The following HIP1R variants were observed in gnomAD, a reference collection of about 807,000 sequenced individuals.
HIP1R encodes the protein huntingtin interacting protein 1 related.
In HIP1R, 135 loss-of-function variants were observed where a neutral mutation model predicts 144.2. The observed-to-expected ratio is 0.94, with a 90% confidence interval of 0.81 to 1.08. HIP1R has a LOEUF of 1.08. HIP1R is among the 50% of genes least tolerant of loss of function. HIP1R has a pLI of 0.00. For synonymous variants in HIP1R, 698 were observed against 612.8 expected, an observed-to-expected ratio of 1.14 and a Z score of -2.05; for missense variants, 1,462 against 1,432.8, an observed-to-expected ratio of 1.02 and a Z score of -0.33.
intron 6 of HIP1R, 49 bp downstream of exon 6, chr12:122,850,960 T>A (rs1218524302): frequency 6.5e-7 from 1 of 1,534,884 alleles, no homozygotes; most frequent in Non-Finnish European, 9.0e-7. Context: ...GGCTTCCCCA[T>A]TCCTTCCTAC....
chr12:122,835,453 C>T (rs1366348499), upstream of HIP1R: 2 of 1,154,498 alleles, frequency 1.7e-6, no homozygotes, highest in African/African-American at 1.6e-5. Context: ...GGCCCGGGCG[C>T]GGCGCGGTGG....
rs755296597 is a variant in HIP1R, at chr12:122,859,510, A to C, written c.2380A>C (p.Ile794Leu). The change falls in exon 23 of 32, where the codon ATT (isoleucine) becomes CTT (leucine). Residue 794 changes from isoleucine to leucine, a missense_variant. Physicochemically the swap from Ile to Leu is conservative, Grantham distance 5. This residue lies in a region of HIP1R where 1,112 missense variants were observed against 1,011.7 expected (regional missense o/e 1.10). Coordinates refer to ENST00000253083, the MANE Select transcript of HIP1R (RefSeq NM_003959.3). Reference sequence around the variant, plus strand: ...GGAGATGGCGGCCACATCCGCAGCCATTGAAGATGCTGTGCGGAGGATTGA... The same window carrying C: ...GGAGATGGCGGCCACATCCGCAGCCCTTGAAGATGCTGTGCGGAGGATTGA... ...DKEMAATSAA[I>L]EDAVRRIEDM... The C allele has an allele frequency of 6.2e-7, 1 of 1,612,942 alleles. No individual in the cohort carries two copies. The highest frequency in any genetic ancestry group is 8.5e-7 in the Non-Finnish European group (1 of 1,179,444).
chr12:122,854,405 A>G (rs980186567), intron 8 of HIP1R, among the ~76,000 whole-genome samples: 10 of 150,318 alleles, frequency 6.7e-5, no homozygotes, highest in South Asian at 4.2e-4. Context: ...CTTGGTTTTC[A>G]TTTTTACGAC....
rs539147044 is a variant in HIP1R, at chr12:122,854,071, C to T, written c.606C>T (p.Ala202=). ...SVFRQLNTAI[A]VSQMSSGQCR... is the part of the protein sequence containing the mutation. ...TCCGACAGCTCAACACGGCCATCGC[C>T]GTATCCCAGATGTCCTCAGGCCAGT... Residue 202 remains alanine (A), a synonymous_variant, in exon 8 of 32, where the codon GCC becomes GCT. Transcript: ENST00000253083. The T allele has an allele frequency of 6.3e-5, 102 of 1,613,800 alleles. No individual in the cohort carries two copies. In the East Asian group the frequency reaches 9.1e-4, roughly 14 times the overall value.
At chr12:122,849,069 G>A (rs1164394055) in intron 4 of HIP1R, among the ~76,000 whole-genome samples, 5 of 152,250 alleles carry the variant, frequency 3.3e-5, no homozygotes, top group Admixed American at 6.5e-5. Flanking sequence ...CAGCGTCGAA[G>A]TCACCCGGGC....
chr12:122,854,351 A>C (rs1173228926), intron 8 of HIP1R, among the ~76,000 whole-genome samples, 168 bp downstream of exon 8: 6 of 151,772 alleles, frequency 4.0e-5, no homozygotes, highest in African/African-American at 7.3e-5. Flanking sequence ...AAAAAAAAAA[A>C]AAAAAAACCC....
chr12:122,857,621 G>A (rs540177664), intron 18 of HIP1R: 10 of 353,186 alleles, frequency 2.8e-5, no homozygotes, highest in Non-Finnish European at 5.3e-5. Context: ...TAGAACTGCT[G>A]GGTCTCACCT....
intron 23 of HIP1R, 93 bp from the exon 24 acceptor site, chr12:122,859,679 G>C: frequency 6.8e-7 from 1 of 1,468,582 alleles, no homozygotes; most frequent in Non-Finnish European, 9.4e-7. Context: ...GGGCCTGTGA[G>C]GTCAGAGCTG....
Position 122,835,528 on chromosome 12 carries a change from CA to C in HIP1R, c.-19del. 2 of 1,331,230 alleles carry C rather than the reference CA, an allele frequency of 1.5e-6. No homozygotes were observed. The highest frequency in any genetic ancestry group is 3.5e-5 in the South Asian group (2 of 57,452). The allele number at this position is 1,331,230 out of a possible 1,614,324, so 82.5% of individuals were successfully genotyped here. ...TGTGAGTCGCGCGGACGGAGCCGGA[CA>C]AAAGCGGGCGGCGGCGGCAGGATGA... On this transcript the variant is annotated 5_prime_UTR_variant, in exon 1 of 32. Transcript: ENST00000253083.
In HIP1R at chr12:122,858,176, G is replaced by C. The variant is rs1182716317; in HGVS notation, c.1890G>C (p.Glu630Asp). 7.9e-5 allele frequency: 127 copies of C among 1,607,388 alleles called. No individual in the cohort carries two copies. The highest frequency in any genetic ancestry group is 1.1e-4 in the Non-Finnish European group (125 of 1,178,194). The change falls in exon 19 of 32, where the codon GAG (glutamate) becomes GAC (aspartate). Residue 630 changes from glutamate to aspartate, a missense_variant. This residue lies in a region of HIP1R where 1,112 missense variants were observed against 1,011.7 expected (regional missense o/e 1.10). Coordinates refer to ENST00000253083, the MANE Select transcript of HIP1R (RefSeq NM_003959.3). ...QFAVLRGAAA[E>D]AAGILQDAVS... ...CAGTGTTGCGGGGCGCTGCTGCCGA[G>C]GCCGCGGGCATCCTGCAGGATGCCG...
intron 5 of HIP1R, chr12:122,850,535 GT>G: frequency 3.7e-4 from 43 of 115,644 alleles, no homozygotes; most frequent in South Asian, 7.8e-4. Flanking sequence ...TGGCCGCTGG[GT>G]GGGGGGGCCC....
In HIP1R at chr12:122,850,881, A is replaced by G; in HGVS notation, c.485A>G (p.Glu162Gly). The G allele has an allele frequency of 6.2e-7, 1 of 1,611,144 alleles. No individual in the cohort carries two copies. The highest frequency in any genetic ancestry group is 1.7e-5 in the Admixed American group (1 of 59,786). The change falls in exon 6 of 32, where the codon GAG becomes GGG. Residue 162 changes from glutamate (E) to glycine (G), a missense_variant. By Grantham distance (98) the Glu-to-Gly change is moderately conservative. Coordinates refer to ENST00000253083, the MANE Select transcript of HIP1R (RefSeq NM_003959.3). ...AGLEVTDEVL[E>G]KAAGTDVNNI... ...CTGGAGGTGACAGATGAGGTACTGGAGAAGGCAGCTGGGACCGATGTCAAC... is the reference window on the plus strand; with the variant it reads ...CTGGAGGTGACAGATGAGGTACTGGGGAAGGCAGCTGGGACCGATGTCAAC...
rs990393825 is a variant in HIP1R, at chr12:122,848,319, G to A, written c.158-147G>A. ...TCTTGCCCTAACTCCTGTCCCCTTG[G>A]CTGGACACTGGAGCTCTGGTGACCC... On this transcript the variant is annotated intron_variant, in intron 2 of 31. Coordinates refer to ENST00000253083, the MANE Select transcript of HIP1R (RefSeq NM_003959.3). 8.3e-6 allele frequency: 9 copies of A among 1,084,518 alleles called. No individual in the cohort carries two copies. The Admixed American group carries it at 1.3e-4, about 16-fold the overall frequency. The allele number at this position is 1,084,518 out of a possible 1,614,324, so 67.2% of individuals were successfully genotyped here.
rs1193918544 is a variant in HIP1R at position 122,860,901 on chromosome 12, C to T, written c.2767-15C>T. The T allele has an allele frequency of 7.5e-6, 12 of 1,606,384 alleles. No individual in the cohort carries two copies. The highest frequency in any genetic ancestry group is 3.4e-5 in the Admixed American group (2 of 58,584). ...GCTGGGAGACCTGGGCCCACCCTGACCTCTCGCCCCTCAGGTGAAGGCCAA... is the reference window on the plus strand; with the variant it reads ...GCTGGGAGACCTGGGCCCACCCTGATCTCTCGCCCCTCAGGTGAAGGCCAA... On this transcript the variant is annotated splice_polypyrimidine_tract_variant and intron_variant, in intron 28 of 31. Coordinates refer to ENST00000253083, the MANE Select transcript of HIP1R (RefSeq NM_003959.3).
chr12:122,839,336 G>A (rs1437725157), intron 1 of HIP1R, among the ~76,000 whole-genome samples: 3 of 152,234 alleles, frequency 2.0e-5, no homozygotes, highest in Non-Finnish European at 4.4e-5. Context: ...GTTAGGATGA[G>A]AGAAACCCTT....
At chr12:122,854,549 T>C (rs2033503429) in intron 8 of HIP1R, among the ~76,000 whole-genome samples, 1 of 152,166 alleles carries the variant, frequency 6.6e-6, no homozygotes, top group Admixed American at 6.5e-5. Flanking sequence ...ACCAACCCCT[T>C]GAAAGGGTCT....
In HIP1R at chr12:122,858,832, G is replaced by A. The variant is rs200309317; in HGVS notation, c.2051-6G>A. ...CCCCCAACCTTGGCCCCACCCACCC[G>A]CACAGACGCCTCCGCCCTGGTGGCA... On this transcript the variant is annotated splice_polypyrimidine_tract_variant and splice_region_variant and intron_variant, in intron 20 of 31. Coordinates refer to ENST00000253083, the MANE Select transcript of HIP1R (RefSeq NM_003959.3). 379 of 1,532,808 alleles carry A rather than the reference G, an allele frequency of 2.5e-4. No individual in the cohort carries two copies. Among genetic ancestry groups the A allele is most frequent in the Admixed American group, 1.5e-3 (87 of 59,710 alleles). 95.0% of individuals were successfully genotyped at this position (1,532,808 alleles called of 1,614,324 possible).
chr12:122,843,276 A>G (rs1046555807), intron 1 of HIP1R, among the ~76,000 whole-genome samples: 2 of 152,202 alleles, frequency 1.3e-5, no homozygotes, highest in South Asian at 2.1e-4. Context: ...TCTCTGGTCC[A>G]TGTCTGGCCC....
chr12:122,855,393 G>A lies in HIP1R; in HGVS notation c.981G>A (p.Ala327=), dbSNP rs1195031901. ...TTGAGATCAGCACAGGGCCCCCCGC[G>A]GGGGAGCCAGTGGTGAGCCCCCTGC... ...NLIEISTGPP[A]GEPVVVADLF... is the part of the protein sequence containing the mutation. Residue 327 remains alanine (A), a synonymous_variant, in exon 11 of 32, where the codon GCG becomes GCA. Transcript: ENST00000253083. 55 of 1,570,050 alleles carry A rather than the reference G, an allele frequency of 3.5e-5. No homozygotes were observed. In the East Asian group the frequency reaches 4.3e-4, roughly 12 times the overall value.
Sources: allele counts gnomAD v4.1 joint callset (sites outside exome capture counted in the v4.1 genomes callset), GRCh38; gene constraint gnomAD v4.1.1; regional missense constraint gnomAD v4.1.1; transcripts MANE v1.5; gene names NCBI Gene and HGNC (gene_info 2026-07-23, HGNC 2026-07-21).